Variants in MYO9B observed in about 807,000 individuals in gnomAD.
The protein encoded by MYO9B is unconventional myosin-IXb.
MYO9B carries 71 observed loss-of-function variants against 229.5 expected under a neutral mutation model. The observed-to-expected ratio is 0.31, with a 90% CI of 0.26 to 0.38. The LOEUF (loss-of-function observed/expected upper bound fraction) is 0.38. Ranked by LOEUF, MYO9B falls within the 10% of genes least tolerant of loss-of-function variation. The probability of loss-of-function intolerance (pLI) is 1.00; values close to 1 mark genes in which losing one functional copy is unlikely to be tolerated. For missense variants in MYO9B, 2,255 were observed against 2,920.5 expected, an observed-to-expected ratio of 0.77 and a Z score of 5.25; for synonymous variants, 1,185 against 1,235.8, an observed-to-expected ratio of 0.96 and a Z score of 0.86.
intron 19 of MYO9B, among the ~76,000 whole-genome samples, chr19:17,188,900 C>T (rs2145433706): frequency 6.6e-6 from 1 of 151,012 alleles, no homozygotes; most frequent in Admixed American, 6.6e-5. Flanking sequence ...ATAATTCCAG[C>T]ATTTTGGGAG....
intron 19 of MYO9B, among the ~76,000 whole-genome samples, chr19:17,190,796 C>T (rs985960578): frequency 1.1e-4 from 17 of 151,970 alleles, no homozygotes; most frequent in African/African-American, 3.9e-4. Flanking sequence ...GTAGCTGGGA[C>T]TACAGGTGTC....
chr19:17,115,465 A>G (rs966182939), intron 2 of MYO9B, among the ~76,000 whole-genome samples: 1 of 140,354 alleles, frequency 7.1e-6, no homozygotes, highest in African/African-American at 2.6e-5. Flanking sequence ...CATTTCACAG[A>G]TGCCTTTTTT....
chr19:17,172,586 C>T lies in MYO9B; in HGVS notation c.1935+109C>T, dbSNP rs563237938. ...GGGCGAGGTTCCAGGGTGCTCAGAA[C>T]CCACCGCGAATCCCCGGCTCCAATG... On this transcript the variant is annotated intron_variant, in intron 12 of 39. Transcript: ENST00000682292. This position sits in a 1 kb window ranked among gnomAD's most constrained non-coding sequence, Gnocchi z 8.2. 6.7e-7 allele frequency: 1 copy of T among 1,500,776 alleles called. No individual in the cohort carries two copies. The highest frequency in any genetic ancestry group is 1.4e-5 in the African/African-American group (1 of 72,458). 93.0% of individuals were successfully genotyped at this position (1,500,776 alleles called of 1,614,324 possible). A position where few individuals can be genotyped will look rare whatever the true frequency, so the allele number is the denominator to read the frequency against.
chr19:17,132,267 C>A (rs1280036685), intron 2 of MYO9B, among the ~76,000 whole-genome samples: 2 of 134,424 alleles, frequency 1.5e-5, no homozygotes, highest in African/African-American at 5.7e-5. Context: ...CTCACTGCAA[C>A]CTCCACCTCC....
At chr19:17,164,365 T>C (rs1266072751) in intron 10 of MYO9B, among the ~76,000 whole-genome samples, 2 of 151,024 alleles carry the variant, frequency 1.3e-5, no homozygotes, top group Non-Finnish European at 2.9e-5. Context: ...TCAAGGACAT[T>C]GATAACCTAT....
At chr19:17,080,303 A>C (rs575470700) in intron 1 of MYO9B, among the ~76,000 whole-genome samples, 2 of 152,330 alleles carry the variant, frequency 1.3e-5, no homozygotes, top group Non-Finnish European at 2.9e-5. Context: ...CCAGAACGAC[A>C]GAAGTATATT....
At position 17,192,939 on chromosome 19, in the gene MYO9B, C is replaced by G; in HGVS notation, c.3005C>G (p.Thr1002Arg). The part of the protein sequence containing the change: ...SYRVRRALER[T>R]QAAVYLQASW... ...CGGGTCCGGAGGGCGCTGGAGAGGA[C>G]GCAGGCTGCCGTGTACCTCCAGGCC... Residue 1002 changes from threonine to arginine, a missense_variant, in exon 21 of 40, where the codon ACG becomes AGG. By Grantham distance (71) the Thr-to-Arg change is moderately conservative. Coordinates refer to ENST00000682292, the MANE Select transcript of MYO9B (RefSeq NM_004145.4). 1 of 1,544,998 alleles carries G rather than the reference C, an allele frequency of 6.5e-7. No homozygotes were observed. The highest frequency in any genetic ancestry group is 8.7e-7 in the Non-Finnish European group (1 of 1,143,570).
At chr19:17,186,875 T>G (rs918391769) in intron 18 of MYO9B, among the ~76,000 whole-genome samples, 2 of 151,970 alleles carry the variant, frequency 1.3e-5, no homozygotes, top group Admixed American at 1.3e-4. Context: ...GGATTACAGG[T>G]GCCCACCACG....
chr19:17,110,818 T>G (rs1402255315), intron 2 of MYO9B, among the ~76,000 whole-genome samples: 5 of 151,938 alleles, frequency 3.3e-5, no homozygotes, highest in African/African-American at 7.3e-5. Context: ...CCCAGGACAT[T>G]CCAGTGAGGG....
Position 17,172,639 on chromosome 19 carries a change from C to A in MYO9B, c.1936-120C>A. ...CAAGGCGCCATAGTTCAAGAACTGC[C>A]ATTTGCACTTAGGATGGGCCCCACC... is the stretch of plus-strand genomic sequence containing the variant. On this transcript the variant is annotated intron_variant, in intron 12 of 39. Transcript: ENST00000682292. This position sits in a 1 kb window ranked among gnomAD's most constrained non-coding sequence, Gnocchi z 8.2. 6.8e-7 allele frequency: 1 copy of A among 1,467,182 alleles called. No individual in the cohort carries two copies. Among genetic ancestry groups the A allele is most frequent in the Admixed American group, 1.8e-5 (1 of 55,104 alleles). 90.9% of individuals were successfully genotyped at this position (1,467,182 alleles called of 1,614,324 possible).
intron 2 of MYO9B, among the ~76,000 whole-genome samples, chr19:17,144,600 CAAAA>C (rs967239561): frequency 7.6e-6 from 1 of 132,224 alleles, no homozygotes; most frequent in African/African-American, 2.8e-5. Context: ...CTGTCTCAAA[CAAAA>C]AAAAAAAGAG....
At chr19:17,147,554 A>C (rs2072426172) in intron 3 of MYO9B, among the ~76,000 whole-genome samples, 1 of 151,154 alleles carries the variant, frequency 6.6e-6, no homozygotes, top group Non-Finnish European at 1.5e-5. Flanking sequence ...AAAAAAAAAA[A>C]AAAAAAACCC....
intron 29 of MYO9B, 72 bp downstream of exon 29, chr19:17,202,955 G>T (rs561329270): frequency 1.3e-6 from 2 of 1,537,096 alleles, no homozygotes; most frequent in African/African-American, 2.7e-5. Flanking sequence ...GTGTGTCAGT[G>T]TCAATGTGCG....
chr19:17,123,236 A>G (rs979514430), intron 2 of MYO9B, among the ~76,000 whole-genome samples: 2 of 152,216 alleles, frequency 1.3e-5, no homozygotes, highest in Non-Finnish European at 2.9e-5. Context: ...GAAAGCAAGC[A>G]CAGGTGTACC....
At chr19:17,191,883 G>A (rs1360816588) in intron 20 of MYO9B, among the ~76,000 whole-genome samples, 7 of 152,190 alleles carry the variant, frequency 4.6e-5, no homozygotes, top group Non-Finnish European at 1.0e-4. Context: ...GGCTGAGGCA[G>A]GAGTTTGAGA....
chr19:17,149,262 A>G (rs1246703322), intron 3 of MYO9B, among the ~76,000 whole-genome samples: 1 of 152,168 alleles, frequency 6.6e-6, no homozygotes, highest in African/African-American at 2.4e-5. Flanking sequence ...TACAGGCATG[A>G]GCCACTGCGC....
intron 22 of MYO9B, 134 bp from the exon 23 acceptor site, chr19:17,197,658 A>C (rs1392932205): frequency 2.0e-6 from 2 of 995,964 alleles, no homozygotes; most frequent in Non-Finnish European, 3.0e-6. Flanking sequence ...GACAACCAAA[A>C]CTGTCTCTAG....
At chr19:17,100,955 G>T (rs1272399946) in intron 1 of MYO9B, among the ~76,000 whole-genome samples, 1 of 151,174 alleles carries the variant, frequency 6.6e-6, no homozygotes, top group Admixed American at 6.6e-5. Flanking sequence ...GGCCTGTGGG[G>T]CCGAGTCGTC....
chr19:17,207,356 G>A (rs1006621677), intron 35 of MYO9B, 112 bp downstream of exon 35: 12 of 1,411,452 alleles, frequency 8.5e-6, no homozygotes, highest in Non-Finnish European at 9.6e-6. Context: ...CCAGAGCCGA[G>A]TGCAGCGGTT....
Sources: gnomAD v4.1 joint callset for allele counts (sites outside exome capture counted in the v4.1 genomes callset) on GRCh38, gnomAD v4.1.1 for gene constraint, Gnocchi (gnomAD v3.1) non-coding constraint, MANE v1.5 for transcripts, NCBI Gene and HGNC (gene_info 2026-07-23, HGNC 2026-07-21) for gene names.